Variants in INTS1 observed in about 807,000 individuals in gnomAD.
INTS1 encodes integrator complex subunit 1.
Under a neutral mutation model 241.6 loss-of-function variants are expected in INTS1, and 137 were observed. The observed-to-expected ratio is 0.57, with a 90% confidence interval of 0.49 to 0.65. The LOEUF (loss-of-function observed/expected upper bound fraction) is 0.65. Among genes scored for constraint, INTS1 ranks in the 30% least tolerant of loss-of-function variants. The pLI is 0.00. For missense variants in INTS1, 3,073 were observed against 3,032.2 expected (o/e 1.01, Z -0.32); for synonymous variants, 1,692 against 1,337.8 (o/e 1.26, Z -5.78).
intron 5 of INTS1, 32 bp from the exon 6 acceptor site, chr7:1,499,664 C>A (rs1025728446): frequency 6.4e-6 from 10 of 1,569,092 alleles, no homozygotes; most frequent in Non-Finnish European, 8.7e-6. Flanking sequence ...AGCCCCGAGC[C>A]CAGCCGGGCA....
At chr7:1,500,132 C>T in intron 4 of INTS1, 38 bp downstream of exon 4, 2 of 1,579,328 alleles carry the variant, frequency 1.3e-6, no homozygotes, top group Non-Finnish European at 1.7e-6. Flanking sequence ...CCAAGGGCCC[C>T]AGCGCTGCTC....
chr7:1,475,306 G>A (rs1386071316), intron 39 of INTS1, among the ~76,000 whole-genome samples: 7 of 152,120 alleles, frequency 4.6e-5, no homozygotes, highest in Admixed American at 4.6e-4. Flanking sequence ...GCTCACTTGA[G>A]CACAGGGGGT....
chr7:1,480,781 GC>G, intron 29 of INTS1, 53 bp downstream of exon 29: 1 of 1,407,574 alleles, frequency 7.1e-7, no homozygotes. Context: ...CTCTGTGTTG[GC>G]CCCACCCCTC....
rs1247988041 is a variant in INTS1 at position 1,498,962 on chromosome 7, G to C, written c.1137+13C>G. ...CCCCCTGCCCCGCCCACCCCCCCGG[G>C]GCGCCCCCGCACCTTGGGGTTCTGC... is the stretch of plus-strand genomic sequence containing the variant. On this transcript the variant is annotated intron_variant, in intron 8 of 47. Coordinates refer to ENST00000404767, the MANE Select transcript of INTS1 (RefSeq NM_001080453.3). 2 of 1,169,984 alleles carry C rather than the reference G, an allele frequency of 1.7e-6. No homozygotes were observed. Among genetic ancestry groups the C allele is most frequent in the Non-Finnish European group, 2.4e-6 (2 of 830,408 alleles). 72.5% of individuals were successfully genotyped at this position (1,169,984 alleles called of 1,614,324 possible). A position where few individuals can be genotyped will look rare whatever the true frequency, so the allele number is the denominator to read the frequency against.
At position 1,499,097 on chromosome 7, in the gene INTS1, G is replaced by A. The variant is rs1197348390; in HGVS notation, c.1015C>T (p.Arg339Trp). The A allele has an allele frequency of 3.7e-6, 6 of 1,610,534 alleles. No homozygotes were observed. Among genetic ancestry groups the A allele is most frequent in the African/African-American group, 2.7e-5 (2 of 74,850 alleles). The change falls in exon 8 of 48, where the codon CGG becomes TGG. Residue 339 changes from arginine to tryptophan, a missense_variant. Transcript: ENST00000404767. ...VLDMLRDQLN[R>W]RQPIDNVSRN... The stretch of plus-strand genomic sequence containing the variant: ...GAGACGTTGTCGATGGGCTGGCGCC[G>A]GTTCAGCTGGTCCCGCAGCATGTCC...
At chr7:1,498,271 T>C (rs1441622040) in intron 10 of INTS1, 141 bp downstream of exon 10, 6 of 1,345,012 alleles carry the variant, frequency 4.5e-6, no homozygotes, top group Non-Finnish European at 5.0e-6. Flanking sequence ...CACGTGAGTT[T>C]CAAAAGCTCC....
intron 12 of INTS1, 50 bp from the exon 13 acceptor site, chr7:1,495,603 G>C (rs772757931): frequency 1.3e-6 from 2 of 1,575,784 alleles, no homozygotes; most frequent in Admixed American, 1.8e-5. Flanking sequence ...GGGCCATGAG[G>C]GGCTAAGGCA....
At position 1,479,694 on chromosome 7, in the gene INTS1, GGAA is replaced by G; in HGVS notation, c.4075-13_4075-11del. ...GGCTGAGCGGGAAAATCTGGAACGG[GGAA>G]GGCCAGTGTCAGGAGGAAGCGGAGG... On this transcript the variant is annotated splice_polypyrimidine_tract_variant and intron_variant, in intron 30 of 47. Coordinates refer to ENST00000404767, the MANE Select transcript of INTS1 (RefSeq NM_001080453.3). 1 of 1,460,412 alleles carries G rather than the reference GGAA, an allele frequency of 6.8e-7. No individual in the cohort carries two copies. Among genetic ancestry groups the G allele is most frequent in the African/African-American group, 1.4e-5 (1 of 70,176 alleles). 90.5% of individuals were successfully genotyped at this position (1,460,412 alleles called of 1,614,324 possible).
At chr7:1,488,094 C>T (rs1256149509) in intron 18 of INTS1, 137 bp from the exon 19 acceptor site, 25 of 893,070 alleles carry the variant, frequency 2.8e-5, no homozygotes, top group South Asian at 9.2e-5. Flanking sequence ...GAGCACAGGG[C>T]GCCCGGTAGC....
intron 37 of INTS1, 26 bp downstream of exon 37, chr7:1,476,544 G>A (rs775300979): frequency 1.5e-5 from 24 of 1,610,344 alleles, no homozygotes; most frequent in African/African-American, 1.3e-4. Flanking sequence ...CCCCTCTCCC[G>A]GATGGGCCAC....
chr7:1,499,033 T>C lies in INTS1; in HGVS notation c.1079A>G (p.Tyr360Cys), dbSNP rs781231608. 4.6e-5 allele frequency: 72 copies of C among 1,569,592 alleles called. No homozygotes were observed. Among genetic ancestry groups the C allele is most frequent in the East Asian group, 7.1e-5 (3 of 42,444 alleles). ...LLRLLTSTCG[Y>C]KEVRLLAVQK... is the part of the protein sequence containing the mutation. ...CACCGCCAGCAGCCGCACCTCCTTATAGCCGCAGGTGGAGGTGAGGAGCCG... is the reference window on the plus strand; with the variant it reads ...CACCGCCAGCAGCCGCACCTCCTTACAGCCGCAGGTGGAGGTGAGGAGCCG... Residue 360 changes from tyrosine (Y) to cysteine (C), a missense_variant, in exon 8 of 48, where the codon TAT becomes TGT. By Grantham distance (194) the Tyr-to-Cys change is radical. Transcript: ENST00000404767.
rs905064335 is a variant in INTS1, at chr7:1,474,298, C to G, written c.5699G>C (p.Arg1900Pro). The change falls in exon 41 of 48, where the codon CGG becomes CCG. Residue 1900 changes from arginine to proline, a missense_variant. Transcript: ENST00000404767. ...GAAGCAGCTCAGGTGGTTCTGCTGCCGGAACTCCTGGAAGTTGAGGTGGGT... is the reference window on the plus strand; with the variant it reads ...GAAGCAGCTCAGGTGGTTCTGCTGCGGGAACTCCTGGAAGTTGAGGTGGGT... The part of the protein sequence containing the change: ...GRTHLNFQEF[R>P]QQNHLSCFLH... 9 of 1,608,692 alleles carry G rather than the reference C, an allele frequency of 5.6e-6. No homozygotes were observed. Among genetic ancestry groups the G allele is most frequent in the Non-Finnish European group, 7.6e-6 (9 of 1,178,952 alleles).
chr7:1,474,497 G>A, intron 40 of INTS1, 137 bp from the exon 41 acceptor site: 1 of 1,162,784 alleles, frequency 8.6e-7, no homozygotes, highest in Middle Eastern at 3.0e-4. Flanking sequence ...TAAGGAGGTG[G>A]GGATGAGATC....
rs776578579 is a variant in INTS1 at position 1,486,692 on chromosome 7, T to C, written c.2909A>G (p.Glu970Gly). 1.9e-6 allele frequency: 3 copies of C among 1,612,614 alleles called. No homozygotes were observed. Among genetic ancestry groups the C allele is most frequent in the East Asian group, 2.2e-5 (1 of 44,876 alleles). ...GPKADEQTTC[E>G]VLDYFLRRLG... The stretch of plus-strand genomic sequence containing the variant: ...GCGCCGCAAGAAGTAGTCCAGCACC[T>C]CACACGTGGTCTGCTCATCAGCCTT... Residue 970 changes from glutamate to glycine, a missense_variant, in exon 22 of 48, where the codon GAG (glutamate) becomes GGG (glycine). Transcript: ENST00000404767.
At chr7:1,471,350 G>T in intron 45 of INTS1, 126 bp from the exon 46 acceptor site, 1 of 1,073,906 alleles carries the variant, frequency 9.3e-7, no homozygotes, top group Non-Finnish European at 1.4e-6. Flanking sequence ...CCAGAAGGCA[G>T]GACGCACGTG....
intron 18 of INTS1, among the ~76,000 whole-genome samples, chr7:1,489,003 T>G (rs1782415542): frequency 6.6e-6 from 1 of 152,014 alleles, no homozygotes. Flanking sequence ...TCTGGCCGGA[T>G]TCTCTTGCCA....
chr7:1,496,118 C>G lies in INTS1; in HGVS notation c.1711+38G>C, dbSNP rs563361183. 480 of 1,542,516 alleles carry G rather than the reference C, an allele frequency of 3.1e-4. 7 individuals are homozygous for G. The South Asian group carries it at 4.9e-3, about 16-fold the overall frequency. ...CCAGCCACCAGCCTGGACCCGAGACCCCCACCAAGCAGGGCCAGGCCACCC... is the reference window on the plus strand; with the variant it reads ...CCAGCCACCAGCCTGGACCCGAGACGCCCACCAAGCAGGGCCAGGCCACCC... On this transcript the variant is annotated intron_variant, in intron 12 of 47. Coordinates refer to ENST00000404767, the MANE Select transcript of INTS1 (RefSeq NM_001080453.3).
chr7:1,499,222 C>G (rs1374319591), intron 7 of INTS1, 33 bp downstream of exon 7: 1 of 1,606,652 alleles, frequency 6.2e-7, no homozygotes, highest in South Asian at 1.1e-5. Context: ...GCCCCCGCCG[C>G]CCCCAACTGG....
intron 41 of INTS1, 23 bp from the exon 42 acceptor site, chr7:1,473,716 T>G (rs758471848): frequency 5.0e-6 from 8 of 1,612,066 alleles, no homozygotes; most frequent in Non-Finnish European, 6.8e-6. Context: ...AGCGGCACCC[T>G]CGAGCTGCTC....
Sources: allele counts gnomAD v4.1 joint callset (sites outside exome capture counted in the v4.1 genomes callset), GRCh38; gene constraint gnomAD v4.1.1; transcripts MANE v1.5; gene names NCBI Gene and HGNC (gene_info 2026-07-23, HGNC 2026-07-21).